PLXDC2: variants seen among roughly 807,000 people sequenced by gnomAD.
PLXDC2 encodes plexin domain-containing protein 2.
In PLXDC2, 40 loss-of-function variants were observed where a neutral mutation model predicts 68.9. The observed-to-expected ratio is 0.58, with a 90% CI of 0.45 to 0.76. PLXDC2 has a LOEUF of 0.76. Ranked by LOEUF, PLXDC2 falls within the 30% of genes least tolerant of loss-of-function variation. The probability of loss-of-function intolerance (pLI) is 0.00; values close to 1 mark genes in which losing one functional copy is unlikely to be tolerated. For synonymous variants in PLXDC2, 243 were observed against 234.2 expected, an observed-to-expected ratio of 1.04 and a Z score of -0.34; for missense variants, 644 against 661.9, an observed-to-expected ratio of 0.97 and a Z score of 0.30.
At chr10:20,089,106 C>A (rs6482088) in intron 4 of PLXDC2, among the ~76,000 whole-genome samples, 93,238 of 151,188 alleles carry the variant, frequency 0.62, 30,609 homozygotes, top group East Asian at 1. Flanking sequence ...AGTCAAAATA[C>A]GGAACATTAA....
At position 20,280,196 on chromosome 10, in the gene PLXDC2, T is replaced by G. The variant is rs1481040334; in HGVS notation, c.*377T>G. The stretch of plus-strand genomic sequence containing the variant: ...CTTTAGTTCATGAGGGATCGACACC[T>G]TTGGTTCAAATGTTCTCTGATGTCT... On this transcript the variant is annotated 3_prime_UTR_variant, in exon 14 of 14. Coordinates refer to ENST00000377252, the MANE Select transcript of PLXDC2 (RefSeq NM_032812.9). The G allele has an allele frequency of 6.0e-6, 1 of 165,462 alleles. No individual in the cohort carries two copies. The highest frequency in any genetic ancestry group is 1.7e-4 in the East Asian group (1 of 5,830). 10.2% of individuals were successfully genotyped at this position (165,462 alleles called of 1,614,324 possible).
chr10:20,002,687 G>C (rs895917100), intron 2 of PLXDC2, among the ~76,000 whole-genome samples: 1 of 152,120 alleles, frequency 6.6e-6, no homozygotes, highest in African/African-American at 2.4e-5. Flanking sequence ...TGAGAGTTGG[G>C]GTGTTGTCAA....
intron 7 of PLXDC2, among the ~76,000 whole-genome samples, chr10:20,176,756 C>G (rs1589666465): frequency 6.6e-6 from 1 of 151,982 alleles, no homozygotes; most frequent in Non-Finnish European, 1.5e-5. Context: ...TGAGTCGAAG[C>G]CTTAATAGGT....
intron 12 of PLXDC2, among the ~76,000 whole-genome samples, chr10:20,222,367 A>G (rs1207302665): frequency 6.6e-6 from 1 of 152,198 alleles, no homozygotes; most frequent in Admixed American, 6.5e-5. Flanking sequence ...CTGGACACCT[A>G]AGTCACACAA....
intron 10 of PLXDC2, among the ~76,000 whole-genome samples, chr10:20,215,425 A>G (rs1471238956): frequency 6.6e-6 from 1 of 152,044 alleles, no homozygotes; most frequent in Non-Finnish European, 1.5e-5. Flanking sequence ...GTATGAATGG[A>G]GGGAAAGCAG....
chr10:19,927,084 A>T (rs1186673991), intron 1 of PLXDC2, among the ~76,000 whole-genome samples: 1 of 152,138 alleles, frequency 6.6e-6, no homozygotes, highest in Non-Finnish European at 1.5e-5. Context: ...AAATTGACTT[A>T]TTCATTCAGT....
At chr10:20,173,573 G>A (rs113736035) in intron 7 of PLXDC2, among the ~76,000 whole-genome samples, 13 of 152,222 alleles carry the variant, frequency 8.5e-5, no homozygotes, top group African/African-American at 2.4e-4. Flanking sequence ...GCAACACATC[G>A]CCTTAAGCTT....
At chr10:20,241,133 A>G (rs954984216) in intron 12 of PLXDC2, among the ~76,000 whole-genome samples, 3 of 35,928 alleles carry the variant, frequency 8.4e-5, no homozygotes, top group Admixed American at 1.7e-4. Flanking sequence ...AATGTAAAGG[A>G]ACATTTTTTA....
intron 1 of PLXDC2, among the ~76,000 whole-genome samples, chr10:19,890,794 T>C (rs1011404857): frequency 1.3e-5 from 2 of 151,640 alleles, no homozygotes; most frequent in Non-Finnish European, 2.9e-5. Context: ...TTAGACTTCT[T>C]GTACTTGTGC....
chr10:19,816,660 G>C lies in PLXDC2; in HGVS notation c.-420G>C. On this transcript the variant is annotated 5_prime_UTR_variant, in exon 1 of 14. Transcript: ENST00000377252. Reference sequence around the variant, plus strand: ...ACCAGCCCTAGTGGATCTGGGGCAGGCAGCGGCGCTGGCTGTGGAATTAGA... The same window carrying C: ...ACCAGCCCTAGTGGATCTGGGGCAGCCAGCGGCGCTGGCTGTGGAATTAGA... The C allele has an allele frequency of 4.2e-6, 1 of 238,364 alleles. No individual in the cohort carries two copies. Among genetic ancestry groups the C allele is most frequent in the South Asian group, 6.4e-5 (1 of 15,630 alleles). 14.8% of individuals were successfully genotyped at this position (238,364 alleles called of 1,614,324 possible). A position where few individuals can be genotyped will look rare whatever the true frequency, so the allele number is the denominator to read the frequency against.
intron 11 of PLXDC2, 106 bp downstream of exon 11, chr10:20,217,682 A>G (rs1286621847): frequency 7.9e-7 from 1 of 1,268,592 alleles, no homozygotes; most frequent in Non-Finnish European, 1.0e-6. Context: ...CCTACTCTCT[A>G]GGTCTCTCTA....
chr10:19,869,499 A>AGGGGGGGGGG (rs1837493439), intron 1 of PLXDC2, among the ~76,000 whole-genome samples: 1 of 88,842 alleles, frequency 1.1e-5, no homozygotes, highest in Non-Finnish European at 2.2e-5. Context: ...GGAGGGAGGG[A>AGGGGGGGGGG]GGGAGACCAG....
chr10:19,905,554 G>A (rs1485678387), intron 1 of PLXDC2, among the ~76,000 whole-genome samples: 1 of 152,168 alleles, frequency 6.6e-6, no homozygotes, highest in Non-Finnish European at 1.5e-5. Flanking sequence ...TGTGGGGAAA[G>A]GTGGCAGGAC....
In PLXDC2 at chr10:20,026,998, C is replaced by T. The variant is rs12256113; in HGVS notation, c.325-19871C>T. Among the ~76,000 whole-genome samples, 5 of 18,034 alleles carry T rather than the reference C, an allele frequency of 2.8e-4. 1 individual carries two copies. The highest frequency in any genetic ancestry group is 1.9e-3 in the African/African-American group (5 of 2,612). 11.8% of individuals were successfully genotyped at this position (18,034 alleles called of 152,430 possible). ...ATAATATATTCTAATATATAGAATA[C>T]ACTTTTATAATATATTCTAATATAT... On this transcript the variant is annotated intron_variant, in intron 2 of 13. Transcript: ENST00000377252.
In PLXDC2 at chr10:20,217,451, C is replaced by T. The variant is rs550848286; in HGVS notation, c.1148C>T (p.Thr383Ile). 3.4e-5 allele frequency: 55 copies of T among 1,612,284 alleles called. 1 individual carries two copies. In the South Asian group the frequency reaches 5.6e-4, roughly 16 times the overall value. The change falls in exon 11 of 14, where the codon ACA (threonine) becomes ATA (isoleucine). Residue 383 changes from threonine to isoleucine, a missense_variant. Thr to Ile is a moderately conservative substitution (Grantham distance 89, BLOSUM62 -1). Around this residue, in one of 3 missense-constraint regions of PLXDC2, gnomAD observed 330 missense variants for 327.9 expected, o/e 1.01. Coordinates refer to ENST00000377252, the MANE Select transcript of PLXDC2 (RefSeq NM_032812.9). ...EESKEKMCEN[T>I]EPVETSSRTT... is the part of the protein sequence containing the mutation. ...TCAAAAGAGAAGATGTGTGAGAATA[C>T]AGAACCAGTGGAAACTTCTTCTCGA...
At position 20,164,561 on chromosome 10, in the gene PLXDC2, A is replaced by G. The variant is rs1350265933; in HGVS notation, c.877A>G (p.Ile293Val). 2 of 1,609,904 alleles carry G rather than the reference A, an allele frequency of 1.2e-6. No individual in the cohort carries two copies. The highest frequency in any genetic ancestry group is 8.5e-7 in the Non-Finnish European group (1 of 1,176,384). The change falls in exon 7 of 14, where the codon ATT (isoleucine) becomes GTT (valine). Residue 293 changes from isoleucine (I) to valine (V), a missense_variant. Physicochemically the swap from Ile to Val is conservative, Grantham distance 29. This residue lies in a region of PLXDC2 where 330 missense variants were observed against 327.9 expected (regional missense o/e 1.01). Transcript: ENST00000377252. ...TGTCGTTGTCCACAGGATCCAACAA[A>G]TTCCCAGTACGTAGAAGAAGGGCAG... ...AFVVVHRIQQ[I>V]PNVRRRTIYE...
At chr10:19,851,112 ATGTCTTCACAG>A (rs1255118283) in intron 1 of PLXDC2, among the ~76,000 whole-genome samples, 1 of 152,178 alleles carries the variant, frequency 6.6e-6, no homozygotes, top group Non-Finnish European at 1.5e-5. Context: ...ATAAATAGTG[ATGTCTTCACAG>A]TGCTATGGTT....
intron 9 of PLXDC2, among the ~76,000 whole-genome samples, chr10:20,190,494 G>T (rs1834749775): frequency 6.6e-6 from 1 of 151,748 alleles, no homozygotes; most frequent in Non-Finnish European, 1.5e-5. Flanking sequence ...TATACCTAAT[G>T]TAAATGACGA....
At chr10:19,927,636 A>C (rs1449827482) in intron 1 of PLXDC2, among the ~76,000 whole-genome samples, 6 of 130,332 alleles carry the variant, frequency 4.6e-5, no homozygotes, top group Admixed American at 9.1e-5. Context: ...TGAGAGGTGG[A>C]GGGTGCAGTG....
Sources: gnomAD v4.1 joint callset for allele counts (sites outside exome capture counted in the v4.1 genomes callset) on GRCh38, gnomAD v4.1.1 for gene constraint, gnomAD v4.1.1 regional missense constraint, MANE v1.5 for transcripts, NCBI Gene and HGNC (gene_info 2026-07-23, HGNC 2026-07-21) for gene names.